The following CNTLN variants were observed in gnomAD, a reference collection of about 807,000 sequenced individuals.
CNTLN encodes the protein centlein, centrosomal protein.
A neutral mutation model predicts 180.0 loss-of-function variants in CNTLN; 212 were observed. The observed-to-expected ratio is 1.18, with a 90% confidence interval of 1.05 to 1.32. The LOEUF (loss-of-function observed/expected upper bound fraction) is 1.32. CNTLN is among the 40% of genes most tolerant of loss of function. The pLI is 0.00. For synonymous variants in CNTLN, 722 were observed against 563.1 expected, an observed-to-expected ratio of 1.28 and a Z score of -3.99; for missense variants, 2,095 against 1,610.9, an observed-to-expected ratio of 1.30 and a Z score of -5.14.
chr9:17,471,901 A>G (rs1832058985), intron 23 of CNTLN, among the ~76,000 whole-genome samples: 1 of 152,112 alleles, frequency 6.6e-6, no homozygotes, highest in Non-Finnish European at 1.5e-5. Context: ...GCTGAGACCC[A>G]ACATGTAAAT....
intron 5 of CNTLN, among the ~76,000 whole-genome samples, chr9:17,260,419 G>T (rs1028151403): frequency 1.3e-5 from 2 of 151,218 alleles, no homozygotes; most frequent in African/African-American, 4.9e-5. Context: ...TTTGGAATAG[G>T]TGTGGTGTGG....
chr9:17,424,148 T>C (rs1828922336), intron 18 of CNTLN, among the ~76,000 whole-genome samples: 2 of 152,324 alleles, frequency 1.3e-5, no homozygotes, highest in Non-Finnish European at 2.9e-5. Flanking sequence ...CGTTAGAATA[T>C]ATTTAAGGTA....
intron 9 of CNTLN, among the ~76,000 whole-genome samples, chr9:17,331,327 G>A (rs1408981197): frequency 6.7e-6 from 1 of 149,364 alleles, no homozygotes; most frequent in Non-Finnish European, 1.5e-5. Flanking sequence ...AGAAAAATAA[G>A]CAAATTTTAC....
chr9:17,399,421 C>A (rs1012070152), intron 15 of CNTLN, among the ~76,000 whole-genome samples: 2 of 152,154 alleles, frequency 1.3e-5, no homozygotes, highest in Non-Finnish European at 2.9e-5. Context: ...TTCCATGATT[C>A]TATGTATTTA....
At chr9:17,248,271 TA>T (rs1219380747) in intron 5 of CNTLN, among the ~76,000 whole-genome samples, 1 of 152,078 alleles carries the variant, frequency 6.6e-6, no homozygotes, top group Non-Finnish European at 1.5e-5. Flanking sequence ...AGGATGTATT[TA>T]CATCCTCTTC....
chr9:17,152,111 G>A (rs1052719976), intron 2 of CNTLN, among the ~76,000 whole-genome samples: 1 of 152,144 alleles, frequency 6.6e-6, no homozygotes, highest in Admixed American at 6.5e-5. Flanking sequence ...CAAAAAACCA[G>A]CTCCTGCATT....
chr9:17,323,284 C>CGGCCT (rs1820045336), intron 8 of CNTLN, among the ~76,000 whole-genome samples: 2 of 152,152 alleles, frequency 1.3e-5, no homozygotes, highest in African/African-American at 4.8e-5. Flanking sequence ...TATTGGAATA[C>CGGCCT]AGCCTACTGC....
In CNTLN at chr9:17,135,043, T is replaced by C. The variant is rs758686461; in HGVS notation, c.-23T>C. ...GGAGGTGGAGTTTCCAACAGGGAAC[T>C]TGACCCGTTAGCAGCCGCAGCCATG... On this transcript the variant is annotated 5_prime_UTR_variant, in exon 1 of 26. Transcript: ENST00000380647. 3.8e-6 allele frequency: 6 copies of C among 1,585,394 alleles called. No homozygotes were observed. The highest frequency in any genetic ancestry group is 2.3e-4 in the Middle Eastern group (1 of 4,428).
intron 13 of CNTLN, among the ~76,000 whole-genome samples, chr9:17,370,345 A>G (rs868845572): frequency 6.6e-6 from 1 of 152,224 alleles, no homozygotes; most frequent in Non-Finnish European, 1.5e-5. Context: ...GAGCTTCAAT[A>G]TGCTGGCAGC....
intron 8 of CNTLN, among the ~76,000 whole-genome samples, chr9:17,309,915 A>G (rs1273084585): frequency 6.6e-6 from 1 of 152,058 alleles, no homozygotes; most frequent in Non-Finnish European, 1.5e-5. Flanking sequence ...AAATTTTATA[A>G]TGTATTAATT....
intron 5 of CNTLN, 151 bp downstream of exon 5, chr9:17,236,739 C>CT (rs1825167812): frequency 1.9e-6 from 1 of 534,784 alleles, no homozygotes; most frequent in African/African-American, 2.0e-5. Context: ...AGACCCATAG[C>CT]TTTTTAAAAA....
rs995381602 is a variant in CNTLN, at chr9:17,348,658, G to C, written c.1886+6214G>C. Among the ~76,000 whole-genome samples the C allele has an allele frequency of 2.0e-5, 3 of 151,898 alleles. No individual in the cohort carries two copies. The East Asian group carries it at 5.9e-4, about 30-fold the overall frequency. ...TAAATCTCCTGCCTCAGCCTCCCTA[G>C]TAGCTGGGATTATAGGCATGCGTCA... On this transcript the variant is annotated intron_variant, in intron 12 of 25. Coordinates refer to ENST00000380647, the MANE Select transcript of CNTLN (RefSeq NM_017738.4).
At chr9:17,419,327 G>C (rs1018375110) in intron 18 of CNTLN, among the ~76,000 whole-genome samples, 1 of 151,982 alleles carries the variant, frequency 6.6e-6, no homozygotes, top group Non-Finnish European at 1.5e-5. Flanking sequence ...TTCTATAGAT[G>C]GAATATATAA....
At chr9:17,241,576 A>C (rs148330080) in intron 5 of CNTLN, among the ~76,000 whole-genome samples, 111 of 152,230 alleles carry the variant, frequency 7.3e-4, no homozygotes, top group Middle Eastern at 6.8e-3. Flanking sequence ...AGATTAAAAA[A>C]AATTCTGCGA....
chr9:17,308,342 C>T (rs1024900330), intron 7 of CNTLN, among the ~76,000 whole-genome samples: 1 of 152,044 alleles, frequency 6.6e-6, no homozygotes, highest in African/African-American at 2.4e-5. Context: ...TTCAGTAACT[C>T]CCTGTTGTCT....
intron 2 of CNTLN, among the ~76,000 whole-genome samples, chr9:17,197,677 C>G (rs1165102508): frequency 6.6e-6 from 1 of 152,168 alleles, no homozygotes; most frequent in African/African-American, 2.4e-5. Flanking sequence ...GTCTCCTATT[C>G]TGTGGCGTGT....
chr9:17,330,646 A>G lies in CNTLN; in HGVS notation c.1356A>G (p.Pro452=), dbSNP rs758481977. ...PDYSAQVPHR[P]SLSSLETLMV... ...TTTTAAAATAGGTACCTCATCGCCCATCCTTATCAAGCTTAGAAACGTTAA... is the reference window on the plus strand; with the variant it reads ...TTTTAAAATAGGTACCTCATCGCCCGTCCTTATCAAGCTTAGAAACGTTAA... The change falls in exon 9 of 26, where the codon CCA becomes CCG. Residue 452 remains proline, a synonymous_variant. Transcript: ENST00000380647. 9.4e-6 allele frequency: 15 copies of G among 1,592,766 alleles called. No individual in the cohort carries two copies. The Admixed American group carries it at 2.7e-4, about 28-fold the overall frequency.
At chr9:17,462,604 C>T (rs1831518476) in intron 19 of CNTLN, among the ~76,000 whole-genome samples, 1 of 151,508 alleles carries the variant, frequency 6.6e-6, no homozygotes, top group Non-Finnish European at 1.5e-5. Context: ...CATTAAAATT[C>T]TTAATTATTC....
At chr9:17,443,829 A>G (rs1459894447) in intron 18 of CNTLN, among the ~76,000 whole-genome samples, 1 of 152,194 alleles carries the variant, frequency 6.6e-6, no homozygotes, top group Non-Finnish European at 1.5e-5. Context: ...ATGGGCAAAG[A>G]GGAGTCAGAG....
Sources: allele counts gnomAD v4.1 joint callset (sites outside exome capture counted in the v4.1 genomes callset), GRCh38; gene constraint gnomAD v4.1.1; transcripts MANE v1.5; gene names NCBI Gene and HGNC (gene_info 2026-07-23, HGNC 2026-07-21).